Variants in HHAT observed in about 807,000 individuals in gnomAD.
HHAT encodes the protein hedgehog acyltransferase, also known as protein-cysteine N-palmitoyltransferase HHAT.
A neutral mutation model predicts 70.8 loss-of-function variants in HHAT; 47 were observed. The observed-to-expected ratio is 0.66, with a 90% CI of 0.53 to 0.85. The LOEUF (loss-of-function observed/expected upper bound fraction) is 0.85. HHAT is among the 40% of genes least tolerant of loss of function. The pLI is 0.00. For synonymous variants in HHAT, 228 were observed against 247.6 expected (o/e 0.92, Z 0.74); for missense variants, 609 against 604.8 (o/e 1.01, Z -0.07).
At chr1:210,446,543 T>C (rs2093638158) in intron 7 of HHAT, among the ~76,000 whole-genome samples, 1 of 152,140 alleles carries the variant, frequency 6.6e-6, no homozygotes, top group African/African-American at 2.4e-5. Flanking sequence ...AGTCTGATCC[T>C]CCTTAACAAA....
At chr1:210,658,391 C>G (rs769254420) in intron 11 of HHAT, among the ~76,000 whole-genome samples, 1 of 152,204 alleles carries the variant, frequency 6.6e-6, no homozygotes, top group Non-Finnish European at 1.5e-5. Flanking sequence ...TCTGCAGAGT[C>G]TTATCATTCC....
At chr1:210,558,023 T>G (rs774262605) in intron 9 of HHAT, among the ~76,000 whole-genome samples, 8 of 152,194 alleles carry the variant, frequency 5.3e-5, no homozygotes, top group African/African-American at 1.9e-4. Flanking sequence ...GGCTACACTT[T>G]AAAAAGAACT....
intron 10 of HHAT, among the ~76,000 whole-genome samples, chr1:210,614,918 T>C (rs1667363819): frequency 6.6e-6 from 1 of 152,196 alleles, no homozygotes; most frequent in Non-Finnish European, 1.5e-5. Context: ...TTCCTTTGGG[T>C]ATATGCCTAG....
intron 8 of HHAT, among the ~76,000 whole-genome samples, chr1:210,478,213 T>C (rs1235768705): frequency 6.6e-6 from 1 of 152,302 alleles, no homozygotes; most frequent in East Asian, 1.9e-4. Context: ...GGGACTGGTT[T>C]TATATGTTAT....
chr1:210,565,583 A>AAAAACAG (rs1490893770), intron 9 of HHAT, among the ~76,000 whole-genome samples: 1 of 152,220 alleles, frequency 6.6e-6, no homozygotes, highest in Admixed American at 6.5e-5. Context: ...AAGTATCTAA[A>AAAAACAG]AAAACAGAAA....
At chr1:210,516,334 T>C (rs1018894431) in intron 9 of HHAT, among the ~76,000 whole-genome samples, 9 of 152,080 alleles carry the variant, frequency 5.9e-5, no homozygotes, top group Non-Finnish European at 1.2e-4. Context: ...TTTTTTTCTT[T>C]TTAATGGGAT....
intron 10 of HHAT, chr1:210,588,555 A>T (rs942579192): frequency 6.5e-6 from 1 of 153,772 alleles, no homozygotes; most frequent in South Asian, 2.0e-4. Flanking sequence ...CCTTACGTGG[A>T]TATGCCATAA....
chr1:210,544,087 A>G (rs1276272538), intron 9 of HHAT, among the ~76,000 whole-genome samples: 2 of 152,188 alleles, frequency 1.3e-5, no homozygotes, highest in Non-Finnish European at 2.9e-5. Flanking sequence ...CTAGACCCTA[A>G]GAAAAGACTC....
At chr1:210,493,506 A>G (rs2094583562) in intron 8 of HHAT, among the ~76,000 whole-genome samples, 2 of 152,180 alleles carry the variant, frequency 1.3e-5, no homozygotes, top group African/African-American at 4.8e-5. Context: ...ACTGATTTAA[A>G]TGTTCATCAT....
intron 11 of HHAT, among the ~76,000 whole-genome samples, chr1:210,656,928 T>C (rs1037427198): frequency 6.6e-5 from 10 of 152,200 alleles, no homozygotes; most frequent in African/African-American, 2.2e-4. Flanking sequence ...GCGCCACCAC[T>C]GTAGCATCTC....
intron 8 of HHAT, among the ~76,000 whole-genome samples, chr1:210,465,805 T>C (rs564913131): frequency 6.6e-6 from 1 of 152,390 alleles, no homozygotes; most frequent in East Asian, 1.9e-4. Flanking sequence ...ATACATTTTA[T>C]TTTTGGTCTA....
intron 9 of HHAT, among the ~76,000 whole-genome samples, chr1:210,515,754 T>G (rs2095044196): frequency 1.1e-5 from 1 of 88,622 alleles, no homozygotes; most frequent in Admixed American, 1.5e-4. Context: ...CGAGACTCCG[T>G]CTCAAAAAAA....
rs973924900 is a variant in HHAT, at chr1:210,626,725, T to C, written c.1390+3055T>C. On this transcript the variant is annotated intron_variant, in intron 11 of 11. Transcript: ENST00000261458. ...AATTTGACTTGATAGAAGATTAATA[T>C]GAATATTCATGTTTTGGTGAAAAAA... is the stretch of plus-strand genomic sequence containing the variant. 4.6e-5 allele frequency among the ~76,000 whole-genome samples: 7 copies of C among 152,286 alleles called. No individual in the cohort carries two copies. In the East Asian group the frequency reaches 1.4e-3, roughly 29 times the overall value.
chr1:210,586,816 G>A (rs1408394351), intron 9 of HHAT, among the ~76,000 whole-genome samples: 2 of 152,154 alleles, frequency 1.3e-5, no homozygotes, highest in African/African-American at 4.8e-5. Flanking sequence ...ACAGCTCAAG[G>A]TGTGAGTTTT....
At chr1:210,403,177 G>A (rs1336473935) in intron 5 of HHAT, among the ~76,000 whole-genome samples, 3 of 152,094 alleles carry the variant, frequency 2.0e-5, no homozygotes, top group African/African-American at 2.4e-5. Context: ...TTTTAAGCAC[G>A]TATGTCAAAA....
intron 1 of HHAT, among the ~76,000 whole-genome samples, chr1:210,334,003 A>G (rs555320628): frequency 3.8e-4 from 57 of 151,920 alleles, no homozygotes; most frequent in Non-Finnish European, 7.4e-4. Flanking sequence ...CTATAATCCA[A>G]TGAAATGCTA....
At chr1:210,597,812 C>T (rs567016414) in intron 10 of HHAT, among the ~76,000 whole-genome samples, 18 of 151,990 alleles carry the variant, frequency 1.2e-4, no homozygotes, top group Non-Finnish European at 2.4e-4. Flanking sequence ...CTACTCGGTG[C>T]TCTACTCCAC....
chr1:210,375,932 A>G (rs1156705426), intron 3 of HHAT, among the ~76,000 whole-genome samples: 2 of 151,126 alleles, frequency 1.3e-5, no homozygotes, highest in African/African-American at 2.4e-5. Flanking sequence ...GCTCACTGCA[A>G]TCTCTGCCTC....
chr1:210,342,373 T>C (rs923264804), intron 1 of HHAT, among the ~76,000 whole-genome samples: 14 of 152,214 alleles, frequency 9.2e-5, no homozygotes, highest in Admixed American at 7.9e-4. Context: ...ATCCACACTT[T>C]ATCTTCTTTA....
Sources: allele counts gnomAD v4.1 joint callset (sites outside exome capture counted in the v4.1 genomes callset), GRCh38; gene constraint gnomAD v4.1.1; transcripts MANE v1.5; gene names NCBI Gene and HGNC (gene_info 2026-07-23, HGNC 2026-07-21).